Variants in ADAMTS1 observed in about 807,000 individuals in gnomAD.
ADAMTS1 encodes ADAM metallopeptidase with thrombospondin type 1 motif 1.
Under a neutral mutation model 87.9 loss-of-function variants are expected in ADAMTS1, and 19 were observed. The observed-to-expected ratio is 0.22, with a 90% CI of 0.15 to 0.32. ADAMTS1 has a LOEUF of 0.32. Among genes scored for constraint, ADAMTS1 ranks in the 10% least tolerant of loss-of-function variants. ADAMTS1 has a pLI of 1.00. For synonymous variants in ADAMTS1, 542 were observed against 501.8 expected, an observed-to-expected ratio of 1.08 and a Z score of -1.07; for missense variants, 1,240 against 1,259.1, an observed-to-expected ratio of 0.98 and a Z score of 0.23.
chr21:26,839,013 A>G (rs967229391), intron 7 of ADAMTS1: 2 of 170,312 alleles, frequency 1.2e-5, no homozygotes, highest in African/African-American at 4.8e-5. Flanking sequence ...TATGGTGCTA[A>G]TGACACACGA....
chr21:26,839,489 T>C, intron 7 of ADAMTS1, 98 bp downstream of exon 7: 1 of 1,137,698 alleles, frequency 8.8e-7, no homozygotes, highest in Non-Finnish European at 1.2e-6. Flanking sequence ...TGAAGATATG[T>C]TAATATGGAA....
chr21:26,838,190 C>T lies in ADAMTS1; in HGVS notation c.2293G>A (p.Gly765Ser), dbSNP rs1359369173. 1 of 1,614,092 alleles carries T rather than the reference C, an allele frequency of 6.2e-7. No individual in the cohort carries two copies. Among genetic ancestry groups the T allele is most frequent in the East Asian group, 2.2e-5 (1 of 44,876 alleles). The change falls in exon 9 of 9, where the codon GGC becomes AGC. Residue 765 changes from glycine (G) to serine (S), a missense_variant. Coordinates refer to ENST00000284984, the MANE Select transcript of ADAMTS1 (RefSeq NM_006988.5). ...QRNQRGSRNN[G>S]SFLAIKAADG... ...GCAGCTTTGATGGCAAGAAAGCTGC[C>T]ATTGTTCCTGGATCCCCTCTGGTTC...
chr21:26,837,986 G>A lies in ADAMTS1; in HGVS notation c.2497C>T (p.Arg833Ter). The A allele has an allele frequency of 1.9e-6, 3 of 1,614,182 alleles. No homozygotes were observed. The highest frequency in any genetic ancestry group is 1.7e-6 in the Non-Finnish European group (2 of 1,180,038). ...IQVLTVGNALRPKIKYTYFVK... is the reference protein window; with the variant it reads ...IQVLTVGNAL ...AAGTAGGTGTATTTAATTTTAGGTC[G>A]AAGGGCATTGCCCACAGTAAGAACC... The change falls in exon 9 of 9, where the codon CGA becomes TGA. Residue 833 changes from arginine to a stop codon, truncating the protein, a stop_gained. Coordinates refer to ENST00000284984, the MANE Select transcript of ADAMTS1 (RefSeq NM_006988.5). LOFTEE classifies it high-confidence loss of function.
rs377526114 is a variant in ADAMTS1 at position 26,840,916 on chromosome 21, CA to C, written c.1378+81del. ...TTTGAAGTGGGGAAAATAAAAAGAA[CA>C]AAAAGGAAAGAGTTCATTTAACTAA... On this transcript the variant is annotated intron_variant, in intron 4 of 8. Transcript: ENST00000284984. The C allele has an allele frequency of 1.3e-4, 195 of 1,472,088 alleles. 1 individual carries two copies. The African/African-American group carries it at 2.0e-3, about 15-fold the overall frequency. 91.2% of individuals were successfully genotyped at this position (1,472,088 alleles called of 1,614,324 possible).
Position 26,837,061 on chromosome 21 carries a change from C to G in ADAMTS1, c.*518G>C, listed in dbSNP as rs1985379225. ...ATTCTCGGTAGAAATAATGTATAAA[C>G]ATTCTCTGAAACCATAGCAGCCATA... On this transcript the variant is annotated 3_prime_UTR_variant, in exon 9 of 9. Coordinates refer to ENST00000284984, the MANE Select transcript of ADAMTS1 (RefSeq NM_006988.5). 6.5e-6 allele frequency: 1 copy of G among 153,704 alleles called. No homozygotes were observed. Among genetic ancestry groups the G allele is most frequent in the Non-Finnish European group, 1.4e-5 (1 of 69,080 alleles). 9.5% of individuals were successfully genotyped at this position (153,704 alleles called of 1,614,324 possible).
intron 5 of ADAMTS1, 86 bp downstream of exon 5, chr21:26,840,190 G>A (rs932031371): frequency 1.5e-5 from 24 of 1,560,024 alleles, no homozygotes; most frequent in Middle Eastern, 1.8e-4. Context: ...TAGAGGACAC[G>A]GATGGGGATG....
At position 26,837,932 on chromosome 21, in the gene ADAMTS1, C is replaced by A; in HGVS notation, c.2551G>T (p.Ala851Ser). 1 of 1,614,212 alleles carries A rather than the reference C, an allele frequency of 6.2e-7. No homozygotes were observed. The highest frequency in any genetic ancestry group is 8.5e-7 in the Non-Finnish European group (1 of 1,180,040). Residue 851 changes from alanine to serine, a missense_variant, in exon 9 of 9, where the codon GCT becomes TCT. Transcript: ENST00000284984. ...ACCCATGCTGAAAAAGTGGGGATAG[C>A]ATTGAAAGATTCCTTCTTCTTCTTT... ...FVKKKKESFN[A>S]IPTFSAWVIE...
rs576992146 is a variant in ADAMTS1, at chr21:26,845,272, T to C, written c.-318A>G. 2.4e-5 allele frequency: 7 copies of C among 289,822 alleles called. No individual in the cohort carries two copies. The highest frequency in any genetic ancestry group is 1.2e-4 in the East Asian group (2 of 17,374). The allele number at this position is 289,822 out of a possible 1,614,324, so 18.0% of individuals were successfully genotyped here. A position where few individuals can be genotyped will look rare whatever the true frequency, so the allele number is the denominator to read the frequency against. On this transcript the variant is annotated 5_prime_UTR_variant, in exon 1 of 9. Transcript: ENST00000284984. ...CTCCGGGGCTGAGGCAACGCGGAGA[T>C]TGGTGCCTGGCGCCCCTCTTCGGCC...
chr21:26,843,424 T>TA (rs1406987924), intron 1 of ADAMTS1: 5 of 463,676 alleles, frequency 1.1e-5, no homozygotes, highest in East Asian at 1.4e-4. Context: ...GAGAATTCTT[T>TA]AAAAAATGAC....
rs567799601 is a variant in ADAMTS1, at chr21:26,837,438, T to C, written c.*141A>G. ...CTCTGATGATTCAACTCCTTTTCTA[T>C]CTACCCCCATAATCCCACCTTACTG... On this transcript the variant is annotated 3_prime_UTR_variant, in exon 9 of 9. Coordinates refer to ENST00000284984, the MANE Select transcript of ADAMTS1 (RefSeq NM_006988.5). 1.6e-4 allele frequency: 110 copies of C among 696,596 alleles called. No homozygotes were observed. The highest frequency in any genetic ancestry group is 1.2e-3 in the East Asian group (46 of 37,002). The allele number at this position is 696,596 out of a possible 1,614,324, so 43.2% of individuals were successfully genotyped here. A position where few individuals can be genotyped will look rare whatever the true frequency, so the allele number is the denominator to read the frequency against.
chr21:26,840,403 C>A lies in ADAMTS1; in HGVS notation c.1538G>T (p.Gly513Val). The change falls in exon 5 of 9, where the codon GGC becomes GTC. Residue 513 changes from glycine to valine, a missense_variant. By Grantham distance (109) the Gly-to-Val change is moderately radical. This residue lies in a region of ADAMTS1 where 317 missense variants were observed against 410.3 expected (regional missense o/e 0.77). Coordinates refer to ENST00000284984, the MANE Select transcript of ADAMTS1 (RefSeq NM_006988.5). ...ACACACCAGCACCCCACCAGAGGTGCCGGTACACCACAAGGTGCTACATGT... is the reference window on the plus strand; with the variant it reads ...ACACACCAGCACCCCACCAGAGGTGACGGTACACCACAAGGTGCTACATGT... ...ASTCSTLWCT[G>V]TSGGVLVCQT... 1 of 1,614,238 alleles carries A rather than the reference C, an allele frequency of 6.2e-7. No homozygotes were observed. The highest frequency in any genetic ancestry group is 1.6e-4 in the Middle Eastern group (1 of 6,062).
At chr21:26,843,688 GA>G in intron 1 of ADAMTS1, 1 of 488,650 alleles carries the variant, frequency 2.0e-6, no homozygotes, top group Non-Finnish European at 4.2e-6. Flanking sequence ...TTATAAGGGG[GA>G]AAGGGGACAG....
Position 26,840,492 on chromosome 21 carries a change from A to G in ADAMTS1, c.1449T>C (p.Asp483=). The change falls in exon 5 of 9, where the codon GAT becomes GAC. Residue 483 remains aspartate (D), a synonymous_variant. Coordinates refer to ENST00000284984, the MANE Select transcript of ADAMTS1 (RefSeq NM_006988.5). The stretch of plus-strand genomic sequence containing the variant: ...ATGTAAACTGGCACTGCCGGTTGGC[A>G]TCGTACGAGGTGCCAGGGAGATCGC... ...LPGDLPGTSY[D]ANRQCQFTFG... The G allele has an allele frequency of 1.2e-6, 2 of 1,614,220 alleles. No individual in the cohort carries two copies. Among genetic ancestry groups the G allele is most frequent in the East Asian group, 2.2e-5 (1 of 44,890 alleles).
chr21:26,845,204 C>T lies in ADAMTS1; in HGVS notation c.-250G>A. On this transcript the variant is annotated 5_prime_UTR_variant, in exon 1 of 9. Coordinates refer to ENST00000284984, the MANE Select transcript of ADAMTS1 (RefSeq NM_006988.5). The stretch of plus-strand genomic sequence containing the variant: ...AGTTGGAGACACTGAGAGGCAGGCG[C>T]AGGCAGAGTGGCTCTGCTGGGACAA... 2.4e-6 allele frequency: 1 copy of T among 423,262 alleles called. No individual in the cohort carries two copies. Among genetic ancestry groups the T allele is most frequent in the Non-Finnish European group, 4.0e-6 (1 of 249,838 alleles). The allele number at this position is 423,262 out of a possible 1,614,324, so 26.2% of individuals were successfully genotyped here.
At chr21:26,838,382 C>A in intron 8 of ADAMTS1, 57 bp downstream of exon 8, 1 of 1,599,634 alleles carries the variant, frequency 6.3e-7, no homozygotes, top group Non-Finnish European at 8.5e-7. Context: ...TTTTCCCAGA[C>A]CTGTTGAAAG....
At chr21:26,840,936 T>C (rs1985480523) in intron 4 of ADAMTS1, 62 bp downstream of exon 4, 10 of 1,542,092 alleles carry the variant, frequency 6.5e-6, no homozygotes, top group African/African-American at 2.8e-5. Context: ...AGAGTTCATT[T>C]AACTAAACTT....
At chr21:26,838,380 G>C (rs1985420947) in intron 8 of ADAMTS1, 59 bp downstream of exon 8, 1 of 1,597,612 alleles carries the variant, frequency 6.3e-7, no homozygotes, top group South Asian at 1.1e-5. Context: ...TTTTTTCCCA[G>C]ACCTGTTGAA....
At chr21:26,841,217 G>C in intron 3 of ADAMTS1, 52 bp from the exon 4 acceptor site, 8 of 1,590,246 alleles carry the variant, frequency 5.0e-6, no homozygotes, top group Non-Finnish European at 6.0e-6. Flanking sequence ...GCTGGGTGCG[G>C]TGGCTCACAC....
Position 26,841,949 on chromosome 21 carries a change from A to C in ADAMTS1, c.1119T>G (p.Ala373=). 6.2e-7 allele frequency: 1 copy of C among 1,614,176 alleles called. No individual in the cohort carries two copies. The highest frequency in any genetic ancestry group is 8.5e-7 in the Non-Finnish European group (1 of 1,180,034). ...GSQTCDTLGM[A]DVGTVCDPSR... ...TCGGATCACACACAGTTCCAACATC[A>C]GCCATCCCAAGAGTATCACATGTCT... Residue 373 remains alanine, a synonymous_variant, in exon 3 of 9, where the codon GCT becomes GCG. Transcript: ENST00000284984.
Sources: allele counts gnomAD v4.1 joint callset, GRCh38; gene constraint gnomAD v4.1.1; regional missense constraint gnomAD v4.1.1; transcripts MANE v1.5; gene names NCBI Gene and HGNC (gene_info 2026-07-23, HGNC 2026-07-21).